The following NLK variants were observed in gnomAD, a reference collection of about 807,000 sequenced individuals.
NLK encodes the protein nemo like kinase.
In NLK, 11 loss-of-function variants were observed where a neutral mutation model predicts 59.0. The ratio of observed to expected loss-of-function variants is 0.19; its 90% confidence interval spans 0.12 to 0.31. NLK has a LOEUF of 0.31. Among genes scored for constraint, NLK ranks in the 10% least tolerant of loss-of-function variants. The pLI is 1.00. For synonymous variants in NLK, 235 were observed against 235.9 expected, an observed-to-expected ratio of 1.00 and a Z score of 0.03; for missense variants, 410 against 661.1, an observed-to-expected ratio of 0.62 and a Z score of 4.16.
chr17:28,131,586 T>TAAAA (rs35804817), intron 2 of NLK, among the ~76,000 whole-genome samples: 58 of 83,700 alleles, frequency 6.9e-4, no homozygotes, highest in African/African-American at 1.4e-3. Flanking sequence ...TTCTCTGTAG[T>TAAAA]AAAAAAAAAA....
intron 1 of NLK, among the ~76,000 whole-genome samples, chr17:28,059,138 AT>A (rs1453508946): frequency 2.0e-5 from 3 of 152,044 alleles, no homozygotes; most frequent in Non-Finnish European, 4.4e-5. Context: ...AAAAAAAAAA[AT>A]AAAGTACTAT....
chr17:28,048,829 C>T (rs1909151001), intron 1 of NLK: 1 of 152,160 alleles, frequency 6.6e-6, no homozygotes, highest in Non-Finnish European at 1.5e-5. Flanking sequence ...CCTTAACATG[C>T]TTATTTGGTT....
intron 1 of NLK, among the ~76,000 whole-genome samples, chr17:28,118,258 A>T (rs34421347): frequency 1.3e-5 from 2 of 152,156 alleles, no homozygotes; most frequent in African/African-American, 4.8e-5. Context: ...TTGACATAGT[A>T]ATTGTAGTAT....
rs183717565 is a variant in NLK, at chr17:28,130,298, C to G, written c.589-2322C>G. Among the ~76,000 whole-genome samples, 25 of 152,204 alleles carry G rather than the reference C, an allele frequency of 1.6e-4. No individual in the cohort carries two copies. In the East Asian group the frequency reaches 4.4e-3, roughly 27 times the overall value. ...CCTTCTCACTTACTCATTTACATTG[C>G]TTTTGAGATTCCTAGATCATTTCTA... On this transcript the variant is annotated intron_variant, in intron 2 of 10. Transcript: ENST00000407008.
At chr17:28,102,852 A>AG (rs932484977) in intron 1 of NLK, among the ~76,000 whole-genome samples, 5 of 152,064 alleles carry the variant, frequency 3.3e-5, no homozygotes, top group South Asian at 4.1e-4. Flanking sequence ...AGTTTACTTC[A>AG]GGGGGGCATC....
intron 3 of NLK, among the ~76,000 whole-genome samples, chr17:28,156,194 C>T (rs370815251): frequency 8.5e-5 from 13 of 152,102 alleles, no homozygotes; most frequent in African/African-American, 1.2e-4. Flanking sequence ...ATATAACTTG[C>T]GTACCTCATG....
intron 7 of NLK, among the ~76,000 whole-genome samples, chr17:28,184,198 T>C (rs1909027778): frequency 6.6e-6 from 1 of 152,236 alleles, no homozygotes; most frequent in African/African-American, 2.4e-5. Flanking sequence ...GTGTACTTTC[T>C]TACAGGTTCT....
At chr17:28,177,643 C>G (rs1007093047) in intron 7 of NLK, among the ~76,000 whole-genome samples, 15 of 152,232 alleles carry the variant, frequency 9.9e-5, no homozygotes, top group African/African-American at 3.6e-4. Context: ...GGCCTACATT[C>G]TATTACCATA....
At chr17:28,131,825 C>T (rs1313834821) in intron 2 of NLK, among the ~76,000 whole-genome samples, 1 of 152,048 alleles carries the variant, frequency 6.6e-6, no homozygotes, top group East Asian at 1.9e-4. Context: ...TTTTCCTCAC[C>T]CTAGTGACTT....
At chr17:28,204,977 CCTT>C in the NLK span, among the ~76,000 whole-genome samples, 6 of 152,328 alleles carry the variant, frequency 3.9e-5, no homozygotes, top group African/African-American at 1.4e-4. Context: ...GCTGCATGCT[CCTT>C]CTTCAGACTT....
intron 3 of NLK, among the ~76,000 whole-genome samples, chr17:28,140,255 T>C (rs1839061351): frequency 1.3e-5 from 2 of 152,108 alleles, no homozygotes; most frequent in South Asian, 4.1e-4. Flanking sequence ...CAATGAAAGA[T>C]TTTTATGATG....
intron 7 of NLK, among the ~76,000 whole-genome samples, chr17:28,176,622 C>T (rs1252581380): frequency 1.3e-5 from 2 of 152,142 alleles, no homozygotes; most frequent in African/African-American, 4.8e-5. Flanking sequence ...AGCTAGTATA[C>T]ACTGCCTGGC....
intron 1 of NLK, among the ~76,000 whole-genome samples, chr17:28,064,017 A>G (rs1454669159): frequency 6.6e-6 from 1 of 152,188 alleles, no homozygotes; most frequent in Non-Finnish European, 1.5e-5. Flanking sequence ...TCTACTGAAC[A>G]TAAATATACG....
At chr17:28,053,238 A>G (rs1463744427) in intron 1 of NLK, among the ~76,000 whole-genome samples, 2 of 152,244 alleles carry the variant, frequency 1.3e-5, no homozygotes, top group African/African-American at 2.4e-5. Context: ...GAATGCAGTC[A>G]TTAATGACCA....
At chr17:28,172,660 G>T in intron 7 of NLK, 42 bp downstream of exon 7, 1 of 1,170,564 alleles carries the variant, frequency 8.5e-7, no homozygotes, top group South Asian at 1.7e-5. Flanking sequence ...CCATCTGTTT[G>T]GGCAAGATTT....
chr17:28,110,526 T>G (rs1415850713), intron 1 of NLK, among the ~76,000 whole-genome samples: 6 of 151,982 alleles, frequency 3.9e-5, no homozygotes, highest in African/African-American at 1.4e-4. Flanking sequence ...TGTAGATTAT[T>G]TTTCATCAAA....
At chr17:28,076,590 G>C (rs924955275) in intron 1 of NLK, among the ~76,000 whole-genome samples, 1 of 152,150 alleles carries the variant, frequency 6.6e-6, no homozygotes, top group Non-Finnish European at 1.5e-5. Context: ...TGACAGAGCT[G>C]TACTGTTTTC....
chr17:28,079,203 G>A (rs1910264130), intron 1 of NLK, among the ~76,000 whole-genome samples: 1 of 152,142 alleles, frequency 6.6e-6, no homozygotes, highest in Non-Finnish European at 1.5e-5. Context: ...CATATGACAG[G>A]ATTTCCTTTT....
chr17:28,165,093 C>CTA (rs1270064921), intron 5 of NLK, among the ~76,000 whole-genome samples: 1 of 152,058 alleles, frequency 6.6e-6, no homozygotes, highest in Non-Finnish European at 1.5e-5. Context: ...AGTATTCCTT[C>CTA]TATAGGTTAT....
Sources: allele counts gnomAD v4.1 joint callset (sites outside exome capture counted in the v4.1 genomes callset), GRCh38; gene constraint gnomAD v4.1.1; transcripts MANE v1.5; gene names NCBI Gene and HGNC (gene_info 2026-07-23, HGNC 2026-07-21).